MOB3B: variants seen among roughly 807,000 people sequenced by gnomAD.
MOB3B encodes the protein MOB kinase activator-like 2B.
Under a neutral mutation model 18.7 loss-of-function variants are expected in MOB3B, and 7 were observed. That is an observed-to-expected ratio of 0.37 (90% CI 0.21 to 0.70). MOB3B has a LOEUF of 0.70. MOB3B is among the 30% of genes least tolerant of loss of function. The probability of loss-of-function intolerance (pLI) is 0.52; values close to 1 mark genes in which losing one functional copy is unlikely to be tolerated. For synonymous variants in MOB3B, 111 were observed against 99.9 expected (o/e 1.11, Z -0.66); for missense variants, 253 against 281.3 (o/e 0.90, Z 0.72).
chr9:27,333,474 C>G (rs144083548), intron 3 of MOB3B, among the ~76,000 whole-genome samples: 58 of 152,212 alleles, frequency 3.8e-4, no homozygotes, highest in Middle Eastern at 3.4e-3. Flanking sequence ...GAGAGTGTGG[C>G]CAAAATAGCT....
chr9:27,522,515 A>G (rs1367697660), intron 1 of MOB3B, among the ~76,000 whole-genome samples: 2 of 151,406 alleles, frequency 1.3e-5, no homozygotes, highest in African/African-American at 2.4e-5. Context: ...TTTTTAAACT[A>G]CAAAGTGTAT....
chr9:27,426,630 A>T (rs1464844952), intron 2 of MOB3B, among the ~76,000 whole-genome samples: 1 of 152,190 alleles, frequency 6.6e-6, no homozygotes, highest in Non-Finnish European at 1.5e-5. Flanking sequence ...TGCTTCTTCA[A>T]AGGAGTCCAG....
At chr9:27,343,824 G>C (rs1331210119) in intron 3 of MOB3B, among the ~76,000 whole-genome samples, 2 of 151,430 alleles carry the variant, frequency 1.3e-5, no homozygotes, top group African/African-American at 4.9e-5. Flanking sequence ...CACTGGTTCA[G>C]TTCAAGAGAA....
intron 1 of MOB3B, among the ~76,000 whole-genome samples, chr9:27,499,587 A>G (rs1819956368): frequency 6.6e-6 from 1 of 152,236 alleles, no homozygotes; most frequent in Admixed American, 6.5e-5. Context: ...ATTAATGAAC[A>G]GGTCCCATTA....
At chr9:27,330,651 A>G (rs376963339) in intron 3 of MOB3B, 35 bp from the exon 4 acceptor site, 31 of 1,613,670 alleles carry the variant, frequency 1.9e-5, no homozygotes, top group Non-Finnish European at 2.3e-5. Flanking sequence ...GTTAGGAGAA[A>G]CTATAAGCAG....
At chr9:27,473,147 G>A (rs948390549) in intron 1 of MOB3B, among the ~76,000 whole-genome samples, 2 of 152,154 alleles carry the variant, frequency 1.3e-5, no homozygotes, top group Non-Finnish European at 2.9e-5. Flanking sequence ...GGGTAGTATG[G>A]CCAAGGAGCC....
rs544388858 is a variant in MOB3B, at chr9:27,342,615, C to T, written c.622-11999G>A. ...CAGAGTGCCTGGGATTGCAGGCGCG[C>T]GCCGCCACACCTGACTGGTTTTTGC... On this transcript the variant is annotated intron_variant, in intron 3 of 3. Coordinates refer to ENST00000262244, the MANE Select transcript of MOB3B (RefSeq NM_024761.5). Among the ~76,000 whole-genome samples, 650 of 152,294 alleles carry T rather than the reference C, an allele frequency of 4.3e-3. 3 individuals carry two copies. Among genetic ancestry groups the T allele is most frequent in the Middle Eastern group, 0.01 (3 of 294 alleles).
intron 3 of MOB3B, among the ~76,000 whole-genome samples, chr9:27,342,592 G>A (rs935297117): frequency 6.6e-6 from 1 of 152,180 alleles, no homozygotes; most frequent in Non-Finnish European, 1.5e-5. Context: ...TCAGCCTGCA[G>A]AGTGCCTGGG....
chr9:27,517,263 T>C (rs1820249420), intron 1 of MOB3B, among the ~76,000 whole-genome samples: 1 of 152,196 alleles, frequency 6.6e-6, no homozygotes, highest in Admixed American at 6.5e-5. Context: ...TTCTTGGAAT[T>C]TGGCATTGTG....
intron 3 of MOB3B, among the ~76,000 whole-genome samples, chr9:27,334,567 T>A (rs141316149): frequency 2.6e-5 from 4 of 152,342 alleles, no homozygotes; most frequent in Middle Eastern, 6.8e-3. Context: ...TATGTACTTG[T>A]TAGCAGTTGG....
intron 2 of MOB3B, among the ~76,000 whole-genome samples, chr9:27,407,491 G>T (rs542406469): frequency 8.5e-5 from 13 of 152,280 alleles, no homozygotes; most frequent in African/African-American, 3.1e-4. Flanking sequence ...AGTCTGCATG[G>T]ATTCAGGCCA....
At position 27,529,578 on chromosome 9, in the gene MOB3B, G is replaced by T; in HGVS notation, c.-222C>A. On this transcript the variant is annotated 5_prime_UTR_variant, in exon 1 of 4. The change creates a new upstream start codon in the 5' untranslated region. Transcript: ENST00000262244. ...ACCGTGGGGTTTTACCTCCAGCCCA[G>T]GGCCCGGTCGGCTCCCTTCGCCGGG... The T allele has an allele frequency of 1.0e-6, 1 of 985,670 alleles. No individual in the cohort carries two copies. Among genetic ancestry groups the T allele is most frequent in the Admixed American group, 6.1e-5 (1 of 16,294 alleles). 61.1% of individuals were successfully genotyped at this position (985,670 alleles called of 1,614,324 possible).
chr9:27,461,894 G>A (rs1453577706), intron 1 of MOB3B, among the ~76,000 whole-genome samples: 3 of 152,164 alleles, frequency 2.0e-5, no homozygotes, highest in Non-Finnish European at 4.4e-5. Context: ...AATGGAAAGA[G>A]TAAAAGAAAA....
intron 2 of MOB3B, among the ~76,000 whole-genome samples, chr9:27,372,035 C>A (rs572011325): frequency 3.1e-4 from 47 of 152,256 alleles, no homozygotes; most frequent in Middle Eastern, 3.4e-3. Context: ...GAAAAACACT[C>A]TCGTAGCACT....
chr9:27,349,490 A>G (rs1005413614), intron 3 of MOB3B, among the ~76,000 whole-genome samples: 2 of 152,232 alleles, frequency 1.3e-5, no homozygotes, highest in African/African-American at 4.8e-5. Flanking sequence ...AAACTAGTCT[A>G]GACCACACAT....
At chr9:27,514,034 G>A (rs1820190825) in intron 1 of MOB3B, among the ~76,000 whole-genome samples, 1 of 152,108 alleles carries the variant, frequency 6.6e-6, no homozygotes, top group African/African-American at 2.4e-5. Flanking sequence ...ATTTAGCAAT[G>A]AGTGATTCTG....
At chr9:27,413,382 A>G (rs10757657) in intron 2 of MOB3B, among the ~76,000 whole-genome samples, 91,709 of 151,900 alleles carry the variant, frequency 0.6, 28,971 homozygotes, top group Non-Finnish European at 0.69. Flanking sequence ...GAGTGACTAG[A>G]AAAGCCACAC....
At chr9:27,412,114 T>C (rs1183685730) in intron 2 of MOB3B, among the ~76,000 whole-genome samples, 1 of 150,790 alleles carries the variant, frequency 6.6e-6, no homozygotes, top group Non-Finnish European at 1.5e-5. Flanking sequence ...AAGGAGAATA[T>C]GGGGCAAAGG....
At chr9:27,487,434 T>C (rs951070884) in intron 1 of MOB3B, among the ~76,000 whole-genome samples, 7 of 152,010 alleles carry the variant, frequency 4.6e-5, no homozygotes, top group African/African-American at 1.4e-4. Flanking sequence ...CCTTATAAAA[T>C]TGGGGTTTTC....
Sources: allele counts gnomAD v4.1 joint callset (sites outside exome capture counted in the v4.1 genomes callset), GRCh38; gene constraint gnomAD v4.1.1; transcripts MANE v1.5; gene names NCBI Gene and HGNC (gene_info 2026-07-23, HGNC 2026-07-21).